The following ERN1 variants were observed in gnomAD, a reference collection of about 807,000 sequenced individuals.
ERN1 encodes endoplasmic reticulum to nucleus signaling 1.
Under a neutral mutation model 113.1 loss-of-function variants are expected in ERN1, and 39 were observed. That is an observed-to-expected ratio of 0.34 (90% CI 0.27 to 0.45). ERN1 has a LOEUF of 0.45. Ranked by LOEUF, ERN1 falls within the 20% of genes least tolerant of loss-of-function variation. The pLI is 1.00. For synonymous variants in ERN1, 507 were observed against 515.9 expected (o/e 0.98, Z 0.23); for missense variants, 976 against 1,274.8 (o/e 0.77, Z 3.57).
At chr17:64,080,891 T>C (rs1001005169) in intron 2 of ERN1, 83 bp from the exon 3 acceptor site, 244 of 1,395,366 alleles carry the variant, frequency 1.7e-4, no homozygotes, top group Non-Finnish European at 2.4e-4. Flanking sequence ...CCAGGCCAAG[T>C]TGTACCGGTA....
Position 64,120,148 on chromosome 17 carries a change from G to A in ERN1, c.54+9828C>T, listed in dbSNP as rs570181907. Reference sequence around the variant, plus strand: ...ACATAGGATGGGGCCCCAGCACAGCGTTTTTAAAAAGCTCCCCAGGTGACT... The same window carrying A: ...ACATAGGATGGGGCCCCAGCACAGCATTTTTAAAAAGCTCCCCAGGTGACT... On this transcript the variant is annotated intron_variant, in intron 1 of 21. Transcript: ENST00000433197. 7.9e-5 allele frequency among the ~76,000 whole-genome samples: 12 copies of A among 152,166 alleles called. No homozygotes were observed. The East Asian group carries it at 1.4e-3, about 17-fold the overall frequency.
At chr17:64,103,282 A>G (rs1263650895) in intron 1 of ERN1, among the ~76,000 whole-genome samples, 2 of 152,142 alleles carry the variant, frequency 1.3e-5, no homozygotes, top group Admixed American at 1.3e-4. Flanking sequence ...GGATCACTTG[A>G]GGTCAGGAAT....
chr17:64,119,376 GTTTTTTTTT>G (rs3044073), intron 1 of ERN1, among the ~76,000 whole-genome samples: 6 of 77,896 alleles, frequency 7.7e-5, no homozygotes, highest in Admixed American at 1.3e-4. Flanking sequence ...TTTTTTCTAG[GTTTTTTTTT>G]TTTTTTTTTT....
intron 16 of ERN1, 78 bp downstream of exon 16, chr17:64,053,194 C>A: frequency 8.1e-7 from 1 of 1,233,570 alleles, no homozygotes; most frequent in Non-Finnish European, 1.1e-6. Flanking sequence ...AAGGCCCACC[C>A]GAGCTACTGG....
At chr17:64,053,090 A>G (rs1912739354) in intron 16 of ERN1, 111 bp from the exon 17 acceptor site, 1 of 983,704 alleles carries the variant, frequency 1.0e-6, no homozygotes, top group Non-Finnish European at 1.5e-6. Context: ...CCACCTCCAA[A>G]TGTTCTGATT....
chr17:64,104,783 C>A (rs1431145305), intron 1 of ERN1, among the ~76,000 whole-genome samples: 1 of 151,998 alleles, frequency 6.6e-6, no homozygotes, highest in East Asian at 1.9e-4. Context: ...CGCACCACTG[C>A]ACTCCAGCCT....
intron 5 of ERN1, among the ~76,000 whole-genome samples, chr17:64,073,178 A>AT (rs1183612453): frequency 1.3e-5 from 2 of 149,196 alleles, no homozygotes; most frequent in South Asian, 2.1e-4. Context: ...CTCTTTTTTT[A>AT]TTTTTTTTGG....
At chr17:64,093,884 C>T (rs529330205) in intron 2 of ERN1, among the ~76,000 whole-genome samples, 2 of 152,308 alleles carry the variant, frequency 1.3e-5, no homozygotes, top group South Asian at 2.1e-4. Context: ...CAGTGGTATC[C>T]GTAGGGAGAG....
chr17:64,050,828 T>G (rs1392754023), intron 17 of ERN1, among the ~76,000 whole-genome samples: 1 of 152,218 alleles, frequency 6.6e-6, no homozygotes, highest in Admixed American at 6.5e-5. Context: ...TTTATGATTC[T>G]TCGCTGTAAC....
Position 64,044,709 on chromosome 17 carries a change from C to A in ERN1, c.2721+151G>T. 1 of 616,048 alleles carries A rather than the reference C, an allele frequency of 1.6e-6. No homozygotes were observed. Among genetic ancestry groups the A allele is most frequent in the South Asian group, 2.0e-5 (1 of 50,522 alleles). 38.2% of individuals were successfully genotyped at this position (616,048 alleles called of 1,614,324 possible). On this transcript the variant is annotated intron_variant, in intron 21 of 21. Coordinates refer to ENST00000433197, the MANE Select transcript of ERN1 (RefSeq NM_001433.5). This position sits in a 1 kb window ranked among gnomAD's most constrained non-coding sequence, Gnocchi z 4.1. ...AAATCAGCGTAAGAGAGGCAACAGC[C>A]TGCAGTTTGCCAAGTCCAGCTGAAG...
intron 1 of ERN1, 43 bp downstream of exon 1, chr17:64,129,933 C>T: frequency 7.2e-7 from 1 of 1,387,250 alleles, no homozygotes; most frequent in Non-Finnish European, 9.3e-7. Context: ...CCCGACCCGG[C>T]CGTCGCGAGC....
rs1205126004 is a variant in ERN1, at chr17:64,063,599, C to T, written c.1087+387G>A. Among the ~76,000 whole-genome samples the T allele has an allele frequency of 2.0e-5, 3 of 152,116 alleles. No homozygotes were observed. The highest frequency in any genetic ancestry group is 4.4e-5 in the Non-Finnish European group (3 of 68,026). ...CCTCACCCTCATGCCCACGTGGACT[C>T]CAAGTTAATTCTTCCATAGAAACAG... On this transcript the variant is annotated intron_variant, in intron 10 of 21. Coordinates refer to ENST00000433197, the MANE Select transcript of ERN1 (RefSeq NM_001433.5). The surrounding 1 kb of genome is among the most constrained non-coding windows in gnomAD (Gnocchi z 5.1).
In ERN1 at chr17:64,054,510, G is replaced by T. The variant is rs2143338658; in HGVS notation, c.1764-71C>A. ...GCTGTGTAAATGAGGTGAGAACCTG[G>T]GTCCACAGCATTCACCTACTGCCTC... On this transcript the variant is annotated intron_variant, in intron 14 of 21. Transcript: ENST00000433197. The surrounding 1 kb of genome is among the most constrained non-coding windows in gnomAD (Gnocchi z 4.9). 1 of 1,415,740 alleles carries T rather than the reference G, an allele frequency of 7.1e-7. No individual in the cohort carries two copies. Among genetic ancestry groups the T allele is most frequent in the Non-Finnish European group, 9.6e-7 (1 of 1,038,928 alleles). The allele number at this position is 1,415,740 out of a possible 1,614,324, so 87.7% of individuals were successfully genotyped here.
At position 64,049,974 on chromosome 17, in the gene ERN1, A is replaced by G. The variant is rs1156738986; in HGVS notation, c.2254-772T>C. Among the ~76,000 whole-genome samples, 1 of 152,146 alleles carries G rather than the reference A, an allele frequency of 6.6e-6. No homozygotes were observed. Among genetic ancestry groups the G allele is most frequent in the Non-Finnish European group, 1.5e-5 (1 of 68,030 alleles). The stretch of plus-strand genomic sequence containing the variant: ...GTCTAGTGTGAGGAAGCAGGGGCTC[A>G]TCACCTCCCATGCTGGAGGAGACAC... On this transcript the variant is annotated intron_variant, in intron 17 of 21. Coordinates refer to ENST00000433197, the MANE Select transcript of ERN1 (RefSeq NM_001433.5). The surrounding 1 kb of genome is among the most constrained non-coding windows in gnomAD (Gnocchi z 4.7).
At chr17:64,052,262 T>G in intron 17 of ERN1, among the ~76,000 whole-genome samples, 1 of 152,170 alleles carries the variant, frequency 6.6e-6, no homozygotes, top group East Asian at 1.9e-4. Flanking sequence ...AAAACAAAAT[T>G]TTAAAAATAA....
chr17:64,067,076 T>A, intron 7 of ERN1, 144 bp from the exon 8 acceptor site: 1 of 850,992 alleles, frequency 1.2e-6, no homozygotes, highest in Non-Finnish European at 1.8e-6. Flanking sequence ...GCAATTTCAC[T>A]TGTTTCCAAT....
At chr17:64,047,832 T>C (rs77619112) in intron 19 of ERN1, 26 bp downstream of exon 19, 22 of 1,540,792 alleles carry the variant, frequency 1.4e-5, no homozygotes, top group South Asian at 8.8e-5. Context: ...ATGAAGACTC[T>C]GGATAAAGAG....
chr17:64,117,069 G>A (rs941486004), intron 1 of ERN1, among the ~76,000 whole-genome samples: 1 of 151,716 alleles, frequency 6.6e-6, no homozygotes, highest in African/African-American at 2.4e-5. Flanking sequence ...CAGAGATCAT[G>A]CCACTGCCCT....
intron 1 of ERN1, among the ~76,000 whole-genome samples, chr17:64,108,071 C>T (rs557189759): frequency 2.0e-5 from 3 of 152,242 alleles, no homozygotes; most frequent in South Asian, 4.1e-4. Flanking sequence ...TGTGTGGTTT[C>T]CAAACTAAGC....
Sources: gnomAD v4.1 joint callset for allele counts (sites outside exome capture counted in the v4.1 genomes callset) on GRCh38, gnomAD v4.1.1 for gene constraint, Gnocchi (gnomAD v3.1) non-coding constraint, MANE v1.5 for transcripts, NCBI Gene and HGNC (gene_info 2026-07-23, HGNC 2026-07-21) for gene names.